Variants in NALF1 observed in about 807,000 individuals in gnomAD.
NALF1 encodes family with sequence similarity 155 member A.
In NALF1, 3 loss-of-function variants were observed where a neutral mutation model predicts 48.4. That is an observed-to-expected ratio of 0.06 (90% CI 0.03 to 0.16). The LOEUF (loss-of-function observed/expected upper bound fraction) is 0.16. NALF1 is among the 10% of genes least tolerant of loss of function. NALF1 has a pLI of 1.00. For missense variants in NALF1, 526 were observed against 571.5 expected (o/e 0.92, Z 0.81); for synonymous variants, 262 against 245.7 (o/e 1.07, Z -0.62).
intron 1 of NALF1, among the ~76,000 whole-genome samples, chr13:107,576,361 T>G (rs192766426): frequency 1.3e-5 from 2 of 152,338 alleles, no homozygotes; most frequent in Admixed American, 1.3e-4. Flanking sequence ...AAAAGTGTTT[T>G]TTTGTTTATT....
chr13:107,727,008 C>G (rs1876176860), intron 1 of NALF1, among the ~76,000 whole-genome samples: 1 of 149,240 alleles, frequency 6.7e-6, no homozygotes, highest in Non-Finnish European at 1.5e-5. Context: ...GACGGGGTTT[C>G]CCCATGTTGG....
intron 1 of NALF1, among the ~76,000 whole-genome samples, chr13:107,228,583 G>A (rs1357801298): frequency 2.6e-5 from 4 of 151,986 alleles, no homozygotes; most frequent in South Asian, 2.1e-4. Flanking sequence ...ATTATTATTC[G>A]AAACAACATC....
intron 1 of NALF1, among the ~76,000 whole-genome samples, chr13:107,533,457 C>G (rs1179254341): frequency 1.3e-5 from 2 of 152,202 alleles, no homozygotes; most frequent in South Asian, 4.1e-4. Context: ...CAGCCTTCCT[C>G]CCCTACAGAG....
intron 1 of NALF1, among the ~76,000 whole-genome samples, chr13:107,344,940 C>A (rs1882746235): frequency 6.6e-6 from 1 of 152,052 alleles, no homozygotes; most frequent in Admixed American, 6.6e-5. Flanking sequence ...CCTAAAGATT[C>A]TACCAAAAAA....
chr13:107,179,530 A>G (rs1879017572), intron 2 of NALF1, among the ~76,000 whole-genome samples: 1 of 152,166 alleles, frequency 6.6e-6, no homozygotes, highest in South Asian at 2.1e-4. Flanking sequence ...TGTTTGTAAC[A>G]TAAAGAAAGA....
intron 1 of NALF1, among the ~76,000 whole-genome samples, chr13:107,717,854 A>G (rs1875867297): frequency 1.3e-5 from 2 of 152,128 alleles, no homozygotes; most frequent in Non-Finnish European, 2.9e-5. Flanking sequence ...TTGGGATATA[A>G]TGTATCTAGA....
chr13:107,855,145 T>C (rs1011285042), intron 1 of NALF1, among the ~76,000 whole-genome samples: 9 of 152,272 alleles, frequency 5.9e-5, no homozygotes, highest in African/African-American at 1.7e-4. Context: ...GCTTGCTCCA[T>C]TGTATCTCTG....
chr13:107,750,176 G>A (rs2138551859), intron 1 of NALF1, among the ~76,000 whole-genome samples: 2 of 152,234 alleles, frequency 1.3e-5, no homozygotes, highest in African/African-American at 4.8e-5. Context: ...GTCGCCACTT[G>A]CCCAGTGGCT....
chr13:107,558,958 G>T (rs1264151335), intron 1 of NALF1, among the ~76,000 whole-genome samples: 1 of 152,148 alleles, frequency 6.6e-6, no homozygotes, highest in Non-Finnish European at 1.5e-5. Flanking sequence ...AGTGCTGTGG[G>T]GTCAGTGGGC....
In NALF1 at chr13:107,425,894, TATG is replaced by T. The variant is rs138915687; in HGVS notation, c.916-215142_916-215140del. On this transcript the variant is annotated intron_variant, in intron 1 of 2. Transcript: ENST00000375915. ...ACTATGATATTGGATGTCTACATAC[TATG>T]ATATTAAATATCTGTGTACTATGAT... is the stretch of plus-strand genomic sequence containing the variant. Among the ~76,000 whole-genome samples the T allele has an allele frequency of 5.3e-3, 806 of 152,330 alleles. 8 individuals carry two copies. Among genetic ancestry groups the T allele is most frequent in the African/African-American group, 0.019 (773 of 41,584 alleles).
chr13:107,802,301 G>A (rs73585693), intron 1 of NALF1, among the ~76,000 whole-genome samples: 4,191 of 152,190 alleles, frequency 0.028, 189 homozygotes, highest in African/African-American at 0.095. Context: ...ATTACCAAAA[G>A]TAGAAATGAC....
chr13:107,850,897 C>A (rs770505384), intron 1 of NALF1, among the ~76,000 whole-genome samples: 44 of 151,146 alleles, frequency 2.9e-4, no homozygotes, highest in Non-Finnish European at 5.7e-4. Flanking sequence ...AGCGAGACTC[C>A]ATCTCCAAAA....
At chr13:107,401,624 T>C (rs923442752) in intron 1 of NALF1, among the ~76,000 whole-genome samples, 1 of 152,200 alleles carries the variant, frequency 6.6e-6, no homozygotes, top group Non-Finnish European at 1.5e-5. Flanking sequence ...AAAAACAATA[T>C]TGTGCATTTC....
chr13:107,343,406 T>C (rs919400816), intron 1 of NALF1, among the ~76,000 whole-genome samples: 2 of 152,160 alleles, frequency 1.3e-5, no homozygotes, highest in East Asian at 3.8e-4. Flanking sequence ...GGGCAGGTCT[T>C]TCCCATGCTG....
intron 1 of NALF1, among the ~76,000 whole-genome samples, chr13:107,234,009 C>G (rs1880285162): frequency 6.6e-6 from 1 of 152,178 alleles, no homozygotes; most frequent in African/African-American, 2.4e-5. Context: ...AGCAGTAGAA[C>G]TGCAGAAGTA....
intron 1 of NALF1, among the ~76,000 whole-genome samples, chr13:107,444,064 G>T (rs1006657364): frequency 6.6e-6 from 1 of 151,892 alleles, no homozygotes; most frequent in Non-Finnish European, 1.5e-5. Context: ...GACAAAAATT[G>T]ATAATAAAAT....
At chr13:107,545,749 C>A (rs780588917) in intron 1 of NALF1, among the ~76,000 whole-genome samples, 10 of 152,012 alleles carry the variant, frequency 6.6e-5, no homozygotes, top group Admixed American at 2.0e-4. Context: ...GGGGTGGAAA[C>A]AGGCAAGATA....
chr13:107,865,895 C>T lies in NALF1; in HGVS notation c.702G>A (p.Leu234=). ...TGTTGGGACTGGACAACCCCGAGAA[C>T]AACTCCCAAAGTGTGTAGGAATTAC... is the stretch of plus-strand genomic sequence containing the variant. The part of the protein sequence containing the change: ...SFCNSYTLWE[L]FSGLSSPNTL... The change falls in exon 1 of 3, where the codon TTG becomes TTA. Residue 234 remains leucine, a synonymous_variant. Coordinates refer to ENST00000375915, the MANE Select transcript of NALF1 (RefSeq NM_001080396.3). 4 of 1,614,100 alleles carry T rather than the reference C, an allele frequency of 2.5e-6. No homozygotes were observed. The highest frequency in any genetic ancestry group is 1.6e-4 in the Middle Eastern group (1 of 6,062).
intron 1 of NALF1, among the ~76,000 whole-genome samples, chr13:107,739,734 G>A (rs1451543759): frequency 1.3e-5 from 2 of 152,194 alleles, no homozygotes; most frequent in African/African-American, 2.4e-5. Context: ...TGAGCAGTGG[G>A]TGAGCGAGCG....
Sources: allele counts gnomAD v4.1 joint callset (sites outside exome capture counted in the v4.1 genomes callset), GRCh38; gene constraint gnomAD v4.1.1; transcripts MANE v1.5; gene names NCBI Gene and HGNC (gene_info 2026-07-23, HGNC 2026-07-21).